The following AEBP2 variants were observed in gnomAD, a reference collection of about 807,000 sequenced individuals.
AEBP2 encodes AE binding protein 2.
A neutral mutation model predicts 50.8 loss-of-function variants in AEBP2; 10 were observed. The ratio of observed to expected loss-of-function variants is 0.20; its 90% CI spans 0.12 to 0.33. AEBP2 has a LOEUF of 0.33. AEBP2 is among the 10% of genes least tolerant of loss of function. The probability of loss-of-function intolerance (pLI) is 1.00; values close to 1 mark genes in which losing one functional copy is unlikely to be tolerated. For missense variants in AEBP2, 570 were observed against 688.0 expected (o/e 0.83, Z 1.92); for synonymous variants, 296 against 261.3 (o/e 1.13, Z -1.28).
chr12:19,473,133 A>G (rs762957693), intron 2 of AEBP2, 115 bp from the exon 3 acceptor site: 2 of 400,856 alleles, frequency 5.0e-6, no homozygotes, highest in Non-Finnish European at 8.4e-6. Context: ...TGGCTTGTAC[A>G]TTCAGTAGCT....
intron 5 of AEBP2, among the ~76,000 whole-genome samples, chr12:19,501,646 AAATT>A (rs199962419): frequency 1.5e-4 from 14 of 93,908 alleles, no homozygotes; most frequent in Middle Eastern, 6.8e-3. Flanking sequence ...GGAAAAAAAA[AAATT>A]ATATATACAC....
rs77169356 is a variant in AEBP2 at position 19,470,214 on chromosome 12, A to G, written c.880-3034A>G. 7.4e-3 allele frequency among the ~76,000 whole-genome samples: 1,122 copies of G among 151,174 alleles called. 13 individuals are homozygous for G. Among genetic ancestry groups the G allele is most frequent in the African/African-American group, 0.026 (1,053 of 41,114 alleles). Reference sequence around the variant, plus strand: ...TGCTTTGAGTGCAGGTTTGAGTGCAATGGCGCAATCTCAGCTCACTGGAAC... The same window carrying G: ...TGCTTTGAGTGCAGGTTTGAGTGCAGTGGCGCAATCTCAGCTCACTGGAAC... On this transcript the variant is annotated intron_variant, in intron 2 of 7. Coordinates refer to ENST00000266508, the MANE Select transcript of AEBP2 (RefSeq NM_153207.5).
In AEBP2 at chr12:19,440,229, G is replaced by A; in HGVS notation, c.530G>A (p.Ser177Asn). ...GGCGGCGGCGGGGGCGGCAGCAGTA[G>A]CAGCAGCGTAGTCTCCAGCGGCGGC... The part of the protein sequence containing the change: ...SQGGGGGGSS[S>N]SSVVSSGGDE... Residue 177 changes from serine (S) to asparagine (N), a missense_variant, in exon 1 of 8, where the codon AGC becomes AAC. Coordinates refer to ENST00000266508, the MANE Select transcript of AEBP2 (RefSeq NM_153207.5). 1 of 1,474,434 alleles carries A rather than the reference G, an allele frequency of 6.8e-7. No homozygotes were observed. Among genetic ancestry groups the A allele is most frequent in the Non-Finnish European group, 8.9e-7 (1 of 1,126,130 alleles). 91.3% of individuals were successfully genotyped at this position (1,474,434 alleles called of 1,614,324 possible).
chr12:19,413,270 G>C (rs1053851820), intron 1 of AEBP2: 1 of 1,251,752 alleles, frequency 8.0e-7, no homozygotes, highest in Non-Finnish European at 1.2e-6. Context: ...CTTAGCACTT[G>C]TAAAGCCTGA....
At chr12:19,447,097 A>T (rs556528963) in intron 1 of AEBP2, among the ~76,000 whole-genome samples, 1 of 152,256 alleles carries the variant, frequency 6.6e-6, no homozygotes, top group Admixed American at 6.5e-5. Flanking sequence ...TAGCATGTTC[A>T]GGAGACTTCC....
intron 1 of AEBP2, among the ~76,000 whole-genome samples, chr12:19,460,373 G>GAAAA (rs1948353107): frequency 6.6e-6 from 1 of 152,070 alleles, no homozygotes; most frequent in African/African-American, 2.4e-5. Context: ...ACAGAGTCTC[G>GAAAA]CTCTGTCGCC....
intron 3 of AEBP2, among the ~76,000 whole-genome samples, chr12:19,474,745 A>G (rs369258569): frequency 2.6e-4 from 40 of 152,126 alleles, no homozygotes; most frequent in African/African-American, 9.6e-4. Flanking sequence ...CATTCTTGAA[A>G]TACTATATTG....
chr12:19,448,563 C>A (rs1948114558), intron 1 of AEBP2, among the ~76,000 whole-genome samples: 1 of 151,966 alleles, frequency 6.6e-6, no homozygotes, highest in Non-Finnish European at 1.5e-5. Flanking sequence ...TATGTCGTAG[C>A]CTGTATTCAT....
intron 1 of AEBP2, among the ~76,000 whole-genome samples, chr12:19,455,666 A>G (rs1369101393): frequency 6.6e-6 from 1 of 152,230 alleles, no homozygotes; most frequent in Non-Finnish European, 1.5e-5. Context: ...TTCCAAAGGA[A>G]ACCATTTTTA....
intron 1 of AEBP2, among the ~76,000 whole-genome samples, chr12:19,417,322 A>G (rs1374935789): frequency 6.6e-6 from 1 of 152,234 alleles, no homozygotes; most frequent in East Asian, 1.9e-4. Context: ...AGTAAACACC[A>G]ATAAATACTG....
At position 19,518,953 on chromosome 12, in the gene AEBP2, T is replaced by C. The variant is rs1949359906; in HGVS notation, c.*836T>C. The C allele has an allele frequency of 1.0e-5, 3 of 288,508 alleles. No homozygotes were observed. The highest frequency in any genetic ancestry group is 1.9e-5 in the Non-Finnish European group (3 of 157,942). 17.9% of individuals were successfully genotyped at this position (288,508 alleles called of 1,614,324 possible). ...TTAACCTATATGACTCTAATTTTTT[T>C]TCTGAGGAAATCATTTGGTTTTTGA... On this transcript the variant is annotated 3_prime_UTR_variant, in exon 8 of 8. Transcript: ENST00000266508.
At chr12:19,502,237 C>G (rs117439936) in intron 5 of AEBP2, among the ~76,000 whole-genome samples, 1 of 152,032 alleles carries the variant, frequency 6.6e-6, no homozygotes, top group African/African-American at 2.4e-5. Flanking sequence ...TAGGTTCAAG[C>G]GATCCCCCTC....
rs1055642914 is a variant in AEBP2 at position 19,521,055 on chromosome 12, G to C, written c.*2938G>C. The C allele has an allele frequency of 6.6e-6, 1 of 152,058 alleles. No homozygotes were observed. Among genetic ancestry groups the C allele is most frequent in the Non-Finnish European group, 1.5e-5 (1 of 68,022 alleles). The allele number at this position is 152,058 out of a possible 1,614,324, so 9.4% of individuals were successfully genotyped here. A position where few individuals can be genotyped will look rare whatever the true frequency, so the allele number is the denominator to read the frequency against. On this transcript the variant is annotated 3_prime_UTR_variant, in exon 8 of 8. Transcript: ENST00000266508. The stretch of plus-strand genomic sequence containing the variant: ...TTCTGAGTCTCATTATGTATATGCA[G>C]ATACTCAAAAATCTGAAAAAAATCA...
At position 19,439,973 on chromosome 12, in the gene AEBP2, C is replaced by A; in HGVS notation, c.274C>A (p.Gln92Lys). 6.6e-7 allele frequency: 1 copy of A among 1,520,688 alleles called. No individual in the cohort carries two copies. Among genetic ancestry groups the A allele is most frequent in the African/African-American group, 1.4e-5 (1 of 69,604 alleles). 94.2% of individuals were successfully genotyped at this position (1,520,688 alleles called of 1,614,324 possible). A position where few individuals can be genotyped will look rare whatever the true frequency, so the allele number is the denominator to read the frequency against. ...MSEPSPESASQAGEDEDEEED... is the reference protein window; with the variant it reads ...MSEPSPESASKAGEDEDEEED... ...GGAGCCGAGCCCCGAGAGCGCCAGCCAGGCCGGGGAGGACGAAGACGAGGA... is the reference window on the plus strand; with the variant it reads ...GGAGCCGAGCCCCGAGAGCGCCAGCAAGGCCGGGGAGGACGAAGACGAGGA... Residue 92 changes from glutamine to lysine, a missense_variant, in exon 1 of 8, where the codon CAG becomes AAG. Gln to Lys is a moderately conservative substitution (Grantham distance 53, BLOSUM62 1). Around this residue, in one of 2 missense-constraint regions of AEBP2, gnomAD observed 386 missense variants for 336.8 expected, o/e 1.15. Transcript: ENST00000266508.
At chr12:19,412,615 A>G (rs2153363416) in intron 1 of AEBP2, among the ~76,000 whole-genome samples, 1 of 151,932 alleles carries the variant, frequency 6.6e-6, no homozygotes, top group East Asian at 1.9e-4. Flanking sequence ...TTTTAATTTT[A>G]TGGAGACAGA....
intron 6 of AEBP2, among the ~76,000 whole-genome samples, chr12:19,514,017 GGAGA>G (rs1438685288): frequency 4.4e-5 from 6 of 135,204 alleles, no homozygotes; most frequent in Non-Finnish European, 9.5e-5. Context: ...GGTTTTTTTT[GGAGA>G]GAGAGTCTCA....
At chr12:19,495,191 C>A (rs1351295626) in intron 4 of AEBP2, among the ~76,000 whole-genome samples, 2 of 152,162 alleles carry the variant, frequency 1.3e-5, no homozygotes, top group African/African-American at 4.8e-5. Flanking sequence ...GCATGAGCCA[C>A]TGTGCTCGAG....
At chr12:19,468,985 C>T (rs1157332073) in intron 2 of AEBP2, among the ~76,000 whole-genome samples, 2 of 152,162 alleles carry the variant, frequency 1.3e-5, no homozygotes, top group African/African-American at 2.4e-5. Flanking sequence ...AGTGTAGTGG[C>T]GCCATCTCAG....
chr12:19,435,195 G>T, upstream of AEBP2, among the ~76,000 whole-genome samples: 1 of 146,388 alleles, frequency 6.8e-6, no homozygotes, highest in African/African-American at 2.5e-5. Flanking sequence ...AGTGGTGCTT[G>T]GCTTACTGAA....
Sources: allele counts gnomAD v4.1 joint callset (sites outside exome capture counted in the v4.1 genomes callset), GRCh38; gene constraint gnomAD v4.1.1; regional missense constraint gnomAD v4.1.1; transcripts MANE v1.5; gene names NCBI Gene and HGNC (gene_info 2026-07-23, HGNC 2026-07-21).